Variants in GABRA4 observed in about 807,000 individuals in gnomAD.
GABRA4 encodes the protein gamma-aminobutyric acid type A receptor subunit alpha4, also known as gamma-aminobutyric acid receptor subunit alpha-4.
In GABRA4, 12 loss-of-function variants were observed where a neutral mutation model predicts 49.7. The observed-to-expected ratio is 0.24, with a 90% CI of 0.15 to 0.39. The LOEUF (loss-of-function observed/expected upper bound fraction) is 0.39. Among genes scored for constraint, GABRA4 ranks in the 10% least tolerant of loss-of-function variants. The probability of loss-of-function intolerance (pLI) is 1.00; values close to 1 mark genes in which losing one functional copy is unlikely to be tolerated. For missense variants in GABRA4, 506 were observed against 686.0 expected, an observed-to-expected ratio of 0.74 and a Z score of 2.93; for synonymous variants, 288 against 240.2, an observed-to-expected ratio of 1.20 and a Z score of -1.84.
intron 3 of GABRA4, 144 bp downstream of exon 3, chr4:46,978,887 C>G: frequency 1.5e-6 from 1 of 669,066 alleles, no homozygotes; most frequent in Non-Finnish European, 2.7e-6. Flanking sequence ...CAATGTCTTA[C>G]TCTTCATACA....
rs1374128817 is a variant in GABRA4, at chr4:46,919,750, G to C, written c.*8475C>G. ...TCAAAGAAAAGCTTTATTTCTTCTG[G>C]AGTTTTCAACATTTTCAGAATCAAA... On this transcript the variant is annotated 3_prime_UTR_variant, in exon 9 of 9. Coordinates refer to ENST00000264318, the MANE Select transcript of GABRA4 (RefSeq NM_000809.4). The C allele has an allele frequency of 6.6e-6, 1 of 151,540 alleles. No homozygotes were observed. 9.4% of individuals were successfully genotyped at this position (151,540 alleles called of 1,614,324 possible). A position where few individuals can be genotyped will look rare whatever the true frequency, so the allele number is the denominator to read the frequency against.
chr4:46,974,217 C>T lies in GABRA4; in HGVS notation c.721+15G>A, dbSNP rs781706822. 45 of 1,603,986 alleles carry T rather than the reference C, an allele frequency of 2.8e-5. No individual in the cohort carries two copies. Among genetic ancestry groups the T allele is most frequent in the Non-Finnish European group, 3.7e-5 (44 of 1,174,618 alleles). On this transcript the variant is annotated intron_variant, in intron 6 of 8. Coordinates refer to ENST00000264318, the MANE Select transcript of GABRA4 (RefSeq NM_000809.4). ...CACCAAGTAGCATGTCGGCTTTAATCATTACACATCTCACCCGTAATTGAT... is the reference window on the plus strand; with the variant it reads ...CACCAAGTAGCATGTCGGCTTTAATTATTACACATCTCACCCGTAATTGAT...
chr4:46,960,690 A>G (rs1004500016), intron 8 of GABRA4, among the ~76,000 whole-genome samples: 1 of 151,654 alleles, frequency 6.6e-6, no homozygotes, highest in Non-Finnish European at 1.5e-5. Flanking sequence ...TAATAATATT[A>G]CATATCTAAA....
chr4:46,986,556 C>A (rs534601387), intron 2 of GABRA4, among the ~76,000 whole-genome samples: 1 of 152,188 alleles, frequency 6.6e-6, no homozygotes, highest in African/African-American at 2.4e-5. Context: ...TCTGGAGCCA[C>A]CTCCTAACAT....
chr4:46,950,430 T>C (rs1722130121), intron 8 of GABRA4, among the ~76,000 whole-genome samples: 1 of 152,040 alleles, frequency 6.6e-6, no homozygotes, highest in Admixed American at 6.6e-5. Flanking sequence ...TTCTTATTAA[T>C]TATCTCTTTT....
rs538891679 is a variant in GABRA4, at chr4:46,921,135, T to C, written c.*7090A>G. 6.8e-6 allele frequency: 1 copy of C among 147,148 alleles called. No individual in the cohort carries two copies. Among genetic ancestry groups the C allele is most frequent in the African/African-American group, 2.5e-5 (1 of 40,566 alleles). The allele number at this position is 147,148 out of a possible 1,614,324, so 9.1% of individuals were successfully genotyped here. On this transcript the variant is annotated 3_prime_UTR_variant, in exon 9 of 9. Transcript: ENST00000264318. ...TTTTATATTACGCATGGGTATTTCT[T>C]TTTTTTTTTAACGGAAGTAATTAGT...
Position 46,926,362 on chromosome 4 carries a change from G to A in GABRA4, c.*1863C>T, listed in dbSNP as rs1721230014. 1 of 151,778 alleles carries A rather than the reference G, an allele frequency of 6.6e-6. No homozygotes were observed. Among genetic ancestry groups the A allele is most frequent in the Non-Finnish European group, 1.5e-5 (1 of 67,826 alleles). 9.4% of individuals were successfully genotyped at this position (151,778 alleles called of 1,614,324 possible). A position where few individuals can be genotyped will look rare whatever the true frequency, so the allele number is the denominator to read the frequency against. On this transcript the variant is annotated 3_prime_UTR_variant, in exon 9 of 9. Coordinates refer to ENST00000264318, the MANE Select transcript of GABRA4 (RefSeq NM_000809.4). Reference sequence around the variant, plus strand: ...TTTACTAGAATCAATTTTAAATTGGGGGGTTGGGACTGGGTGATTTCGACA... The same window carrying A: ...TTTACTAGAATCAATTTTAAATTGGAGGGTTGGGACTGGGTGATTTCGACA...
chr4:46,982,186 C>T (rs2109400207), intron 2 of GABRA4, among the ~76,000 whole-genome samples: 1 of 152,192 alleles, frequency 6.6e-6, no homozygotes. Flanking sequence ...TGGAGAGCTA[C>T]ATAGAGTATT....
chr4:46,955,653 T>C (rs2109362980), intron 8 of GABRA4, among the ~76,000 whole-genome samples: 1 of 152,122 alleles, frequency 6.6e-6, no homozygotes, highest in East Asian at 1.9e-4. Flanking sequence ...AGCACAGTAT[T>C]CCCAACATAC....
At chr4:46,991,441 T>C (rs1723740612) in intron 2 of GABRA4, among the ~76,000 whole-genome samples, 1 of 152,162 alleles carries the variant, frequency 6.6e-6, no homozygotes, top group African/African-American at 2.4e-5. Context: ...AAACTTGACA[T>C]TTCAAGTGAA....
In GABRA4 at chr4:46,919,406, C is replaced by G. The variant is rs537355926; in HGVS notation, c.*8819G>C. ...AATTTCAGGGAGTCAAATGTGATTACTAAAACCTCAAGAAATGTGTTCTTG... is the reference window on the plus strand; with the variant it reads ...AATTTCAGGGAGTCAAATGTGATTAGTAAAACCTCAAGAAATGTGTTCTTG... On this transcript the variant is annotated 3_prime_UTR_variant, in exon 9 of 9. Coordinates refer to ENST00000264318, the MANE Select transcript of GABRA4 (RefSeq NM_000809.4). The G allele has an allele frequency of 6.6e-6, 1 of 151,542 alleles. No homozygotes were observed. Among genetic ancestry groups the G allele is most frequent in the East Asian group, 1.9e-4 (1 of 5,158 alleles). 9.4% of individuals were successfully genotyped at this position (151,542 alleles called of 1,614,324 possible).
intron 8 of GABRA4, among the ~76,000 whole-genome samples, chr4:46,938,041 A>G (rs1316677248): frequency 6.6e-6 from 1 of 152,020 alleles, no homozygotes; most frequent in East Asian, 1.9e-4. Context: ...TAACAATATA[A>G]TTTATAACTT....
chr4:46,979,676 A>T (rs984191976), intron 2 of GABRA4, among the ~76,000 whole-genome samples: 10 of 152,140 alleles, frequency 6.6e-5, no homozygotes, highest in Non-Finnish European at 2.9e-5. Context: ...CTAGCTGTAC[A>T]ATCTTGTGCA....
At chr4:46,990,796 G>T (rs1270980379) in intron 2 of GABRA4, among the ~76,000 whole-genome samples, 1 of 152,188 alleles carries the variant, frequency 6.6e-6, no homozygotes, top group African/African-American at 2.4e-5. Flanking sequence ...TTGCATGAAG[G>T]CAAATGCAGT....
Position 46,920,753 on chromosome 4 carries a change from A to G in GABRA4, c.*7472T>C, listed in dbSNP as rs995477425. 2 of 151,812 alleles carry G rather than the reference A, an allele frequency of 1.3e-5. No homozygotes were observed. The highest frequency in any genetic ancestry group is 4.8e-5 in the African/African-American group (2 of 41,412). The allele number at this position is 151,812 out of a possible 1,614,324, so 9.4% of individuals were successfully genotyped here. On this transcript the variant is annotated 3_prime_UTR_variant, in exon 9 of 9. Coordinates refer to ENST00000264318, the MANE Select transcript of GABRA4 (RefSeq NM_000809.4). ...CAACTAGATTTGCATGGGATAAGTA[A>G]AAGTAATGAAAAGTTTGTTTTACTG...
chr4:46,946,648 A>G (rs1721990663), intron 8 of GABRA4, among the ~76,000 whole-genome samples: 1 of 152,158 alleles, frequency 6.6e-6, no homozygotes, highest in Non-Finnish European at 1.5e-5. Flanking sequence ...TGATTATAAG[A>G]CATAAGGAGT....
intron 8 of GABRA4, among the ~76,000 whole-genome samples, chr4:46,949,370 C>A (rs1722085599): frequency 6.6e-6 from 1 of 151,988 alleles, no homozygotes; most frequent in African/African-American, 2.4e-5. Flanking sequence ...GCTAGAAGAC[C>A]ATCTTTTACA....
chr4:46,926,678 C>G lies in GABRA4; in HGVS notation c.*1547G>C, dbSNP rs892828093. Reference sequence around the variant, plus strand: ...ACACATTCACTCATCCATTCCAGAGCAGATAGAGAGAAGCACAGAAGAAAA... The same window carrying G: ...ACACATTCACTCATCCATTCCAGAGGAGATAGAGAGAAGCACAGAAGAAAA... On this transcript the variant is annotated 3_prime_UTR_variant, in exon 9 of 9. Transcript: ENST00000264318. 4 of 151,798 alleles carry G rather than the reference C, an allele frequency of 2.6e-5. No individual in the cohort carries two copies. Among genetic ancestry groups the G allele is most frequent in the Admixed American group, 6.6e-5 (1 of 15,194 alleles). 9.4% of individuals were successfully genotyped at this position (151,798 alleles called of 1,614,324 possible).
At chr4:46,946,694 C>A (rs1306689565) in intron 8 of GABRA4, among the ~76,000 whole-genome samples, 1 of 152,088 alleles carries the variant, frequency 6.6e-6, no homozygotes, top group Non-Finnish European at 1.5e-5. Flanking sequence ...ACGCCTGGCA[C>A]AAATTAGTCT....
Sources: gnomAD v4.1 joint callset for allele counts (sites outside exome capture counted in the v4.1 genomes callset) on GRCh38, gnomAD v4.1.1 for gene constraint, MANE v1.5 for transcripts, NCBI Gene and HGNC (gene_info 2026-07-23, HGNC 2026-07-21) for gene names.